Variants in TAOK3 observed in about 807,000 individuals in gnomAD.
The protein encoded by TAOK3 is serine/threonine-protein kinase TAO3.
A neutral mutation model predicts 120.4 loss-of-function variants in TAOK3; 40 were observed. That is an observed-to-expected ratio of 0.33 (90% CI 0.26 to 0.43). The LOEUF is 0.43. Ranked by LOEUF, TAOK3 falls within the 20% of genes least tolerant of loss-of-function variation. TAOK3 has a pLI of 1.00. For missense variants in TAOK3, 821 were observed against 1,112.1 expected, an observed-to-expected ratio of 0.74 and a Z score of 3.72; for synonymous variants, 355 against 387.5, an observed-to-expected ratio of 0.92 and a Z score of 0.99.
chr12:118,337,890 C>T (rs1408016038), intron 1 of TAOK3, among the ~76,000 whole-genome samples: 1 of 152,134 alleles, frequency 6.6e-6, no homozygotes, highest in Non-Finnish European at 1.5e-5. Flanking sequence ...AATATACACA[C>T]ATGTAAAACT....
Position 118,189,905 on chromosome 12 carries a change from C to T in TAOK3, c.1231G>A (p.Asp411Asn). The change falls in exon 14 of 21, where the codon GAT becomes AAT. Residue 411 changes from aspartate to asparagine, a missense_variant. By Grantham distance (23) the Asp-to-Asn change is conservative (BLOSUM62 1). Around this residue, in one of 2 missense-constraint regions of TAOK3, gnomAD observed 467 missense variants for 540.0 expected, o/e 0.86. Coordinates refer to ENST00000392533, the MANE Select transcript of TAOK3 (RefSeq NM_016281.4). ...VFIRDEAGHG[D>N]PRPEPRPTQS... is the part of the protein sequence containing the mutation. The stretch of plus-strand genomic sequence containing the variant: ...GTAGGCCGCGGCTCAGGCCTGGGAT[C>T]GCCGTGGCCCGCCTCATCCCTTATG... The T allele has an allele frequency of 1.2e-6, 2 of 1,614,184 alleles. No homozygotes were observed. Among genetic ancestry groups the T allele is most frequent in the East Asian group, 2.2e-5 (1 of 44,878 alleles).
At chr12:118,299,238 G>A (rs1383639589) in intron 1 of TAOK3, among the ~76,000 whole-genome samples, 9 of 152,062 alleles carry the variant, frequency 5.9e-5, no homozygotes, top group African/African-American at 2.2e-4. Flanking sequence ...CCAAACTTTT[G>A]AATAATATTC....
chr12:118,332,975 A>AACACAC (rs146893418), intron 1 of TAOK3, among the ~76,000 whole-genome samples: 1 of 149,644 alleles, frequency 6.7e-6, no homozygotes, highest in Non-Finnish European at 1.5e-5. Flanking sequence ...CAACAGTTTC[A>AACACAC]ACACACACAC....
At chr12:118,305,490 T>TA (rs563945927) in intron 1 of TAOK3, among the ~76,000 whole-genome samples, 39 of 151,034 alleles carry the variant, frequency 2.6e-4, no homozygotes, top group Middle Eastern at 3.4e-3. Flanking sequence ...AAAAAAATAA[T>TA]AAAAATAAAC....
intron 11 of TAOK3, among the ~76,000 whole-genome samples, chr12:118,210,675 T>C (rs1168664895): frequency 6.6e-6 from 1 of 152,156 alleles, no homozygotes; most frequent in African/African-American, 2.4e-5. Context: ...TTGTCTAATT[T>C]ATTTTTCTGC....
intron 1 of TAOK3, among the ~76,000 whole-genome samples, chr12:118,315,813 GAA>G (rs1024517842): frequency 2.0e-5 from 3 of 151,950 alleles, no homozygotes; most frequent in Admixed American, 2.0e-4. Flanking sequence ...GCACATGAGA[GAA>G]AAAAATTGGT....
At chr12:118,222,812 G>A (rs2039302265) in intron 9 of TAOK3, among the ~76,000 whole-genome samples, 1 of 152,038 alleles carries the variant, frequency 6.6e-6, no homozygotes, top group African/African-American at 2.4e-5. Flanking sequence ...AAAAGACTAC[G>A]TATTGGGTAC....
At chr12:118,210,745 T>C (rs1025404598) in intron 11 of TAOK3, among the ~76,000 whole-genome samples, 55 of 150,504 alleles carry the variant, frequency 3.7e-4, no homozygotes, top group African/African-American at 1.3e-3. Flanking sequence ...TTTTTCTTTT[T>C]TTTTTTTTTT....
chr12:118,351,632 A>G lies in TAOK3; in HGVS notation c.-194+21016T>C, dbSNP rs566962572. 2.0e-5 allele frequency among the ~76,000 whole-genome samples: 3 copies of G among 152,300 alleles called. No individual in the cohort carries two copies. In the South Asian group the frequency reaches 6.2e-4, roughly 32 times the overall value. On this transcript the variant is annotated intron_variant, in intron 1 of 20. Coordinates refer to ENST00000392533, the MANE Select transcript of TAOK3 (RefSeq NM_016281.4). ...AAAGTATATATTATTTAAAAAGATA[A>G]GAGACCGATTATAACACCCAATTGA...
intron 4 of TAOK3, among the ~76,000 whole-genome samples, chr12:118,244,531 T>C (rs1244671483): frequency 6.1e-5 from 8 of 131,868 alleles, no homozygotes; most frequent in African/African-American, 2.2e-4. Context: ...TTTTTTCTTT[T>C]TCTTTTTTTT....
At chr12:118,366,711 A>C (rs1168139750) in intron 1 of TAOK3, among the ~76,000 whole-genome samples, 1 of 152,184 alleles carries the variant, frequency 6.6e-6, no homozygotes, top group Non-Finnish European at 1.5e-5. Context: ...ACTAGACTCC[A>C]GCATGTAAAT....
chr12:118,257,104 T>G (rs769579162), intron 2 of TAOK3, among the ~76,000 whole-genome samples: 6 of 152,210 alleles, frequency 3.9e-5, no homozygotes, highest in Non-Finnish European at 7.4e-5. Flanking sequence ...AACTAAGACT[T>G]TGATGGGCTA....
At chr12:118,221,419 T>C (rs1268137079) in intron 9 of TAOK3, among the ~76,000 whole-genome samples, 2 of 151,880 alleles carry the variant, frequency 1.3e-5, no homozygotes, top group Non-Finnish European at 2.9e-5. Flanking sequence ...AGATAGGGTT[T>C]CTCCATGTTG....
At chr12:118,267,456 C>T (rs919894279) in intron 1 of TAOK3, among the ~76,000 whole-genome samples, 1 of 151,178 alleles carries the variant, frequency 6.6e-6, no homozygotes, top group African/African-American at 2.4e-5. Context: ...CTCAAGTGAT[C>T]CACCCACCTT....
intron 17 of TAOK3, among the ~76,000 whole-genome samples, chr12:118,162,293 C>T (rs1484027551): frequency 6.6e-6 from 1 of 151,292 alleles, no homozygotes; most frequent in Admixed American, 6.6e-5. Flanking sequence ...TTCTACCTGA[C>T]TCTCTCTTAC....
At chr12:118,195,512 T>G (rs2139174761) in intron 13 of TAOK3, among the ~76,000 whole-genome samples, 1 of 152,306 alleles carries the variant, frequency 6.6e-6, no homozygotes, top group East Asian at 1.9e-4. Context: ...TGTGGAATTG[T>G]GTCCTTGGCC....
chr12:118,338,423 C>T (rs1173923101), intron 1 of TAOK3, among the ~76,000 whole-genome samples: 1 of 152,120 alleles, frequency 6.6e-6, no homozygotes, highest in African/African-American at 2.4e-5. Flanking sequence ...TGAATGATTG[C>T]ATCAATCAAT....
chr12:118,347,115 C>T (rs2044893864), intron 1 of TAOK3, among the ~76,000 whole-genome samples: 1 of 152,168 alleles, frequency 6.6e-6, no homozygotes, highest in African/African-American at 2.4e-5. Flanking sequence ...AGTGATCCTC[C>T]ACCTCAGCCT....
At chr12:118,164,463 G>A (rs143085271) in intron 17 of TAOK3, among the ~76,000 whole-genome samples, 1 of 152,094 alleles carries the variant, frequency 6.6e-6, no homozygotes, top group African/African-American at 2.4e-5. Context: ...TGTTGCCCAG[G>A]CTGGAGTGCA....
Sources: gnomAD v4.1 joint callset for allele counts (sites outside exome capture counted in the v4.1 genomes callset) on GRCh38, gnomAD v4.1.1 for gene constraint, gnomAD v4.1.1 regional missense constraint, MANE v1.5 for transcripts, NCBI Gene and HGNC (gene_info 2026-07-23, HGNC 2026-07-21) for gene names.